The following NFASC variants were observed in gnomAD, a reference collection of about 807,000 sequenced individuals.
The protein encoded by NFASC is neurofascin.
In NFASC, 43 loss-of-function variants were observed where a neutral mutation model predicts 147.5. That is an observed-to-expected ratio of 0.29 (90% CI 0.23 to 0.38). The LOEUF (loss-of-function observed/expected upper bound fraction) is 0.38. Ranked by LOEUF, NFASC falls within the 10% of genes least tolerant of loss-of-function variation. NFASC has a pLI of 1.00. For missense variants in NFASC, 1,320 were observed against 1,689.0 expected (o/e 0.78, Z 3.83); for synonymous variants, 622 against 665.5 (o/e 0.93, Z 1.01).
In NFASC at chr1:204,946,645, C is replaced by T. The variant is rs143655198; in HGVS notation, c.91+2239C>T. 1.4e-4 allele frequency: 73 copies of T among 509,590 alleles called. No homozygotes were observed. The East Asian group carries it at 4.0e-3, about 28-fold the overall frequency. The allele number at this position is 509,590 out of a possible 1,614,324, so 31.6% of individuals were successfully genotyped here. On this transcript the variant is annotated intron_variant, in intron 3 of 29. Transcript: ENST00000339876. Reference sequence around the variant, plus strand: ...TCTATGGCCGAGGCCATCTCCTGGGCCTCCTGTACTGCTGGGCTGGAAGGT... The same window carrying T: ...TCTATGGCCGAGGCCATCTCCTGGGTCTCCTGTACTGCTGGGCTGGAAGGT...
At chr1:204,946,491 A>C in intron 3 of NFASC, 1 of 412,322 alleles carries the variant, frequency 2.4e-6, no homozygotes, top group South Asian at 1.7e-5. Flanking sequence ...CCCCACACAC[A>C]TGGCACCTCC....
At chr1:205,001,319 C>T (rs781592512) in intron 26 of NFASC, 33 bp downstream of exon 26, 2 of 1,438,366 alleles carry the variant, frequency 1.4e-6, no homozygotes, top group Non-Finnish European at 1.9e-6. Flanking sequence ...GTGGTGGCGG[C>T]AGCGGCGTCG....
At chr1:204,847,972 C>A (rs973519737) in intron 1 of NFASC, among the ~76,000 whole-genome samples, 1 of 152,108 alleles carries the variant, frequency 6.6e-6, no homozygotes, top group Admixed American at 6.5e-5. Context: ...GGGTGGAGGG[C>A]AGTTTGGGGT....
chr1:204,905,081 TTTAA>T (rs1210459871), intron 1 of NFASC, among the ~76,000 whole-genome samples: 12 of 152,260 alleles, frequency 7.9e-5, no homozygotes, highest in Non-Finnish European at 1.8e-4. Context: ...TGATTTTATT[TTTAA>T]TTAATTATTA....
rs1469009025 is a variant in NFASC, at chr1:204,970,050, T to A, written c.1004-566T>A. 2.5e-5 allele frequency among the ~76,000 whole-genome samples: 3 copies of A among 118,872 alleles called. No individual in the cohort carries two copies. The East Asian group carries it at 8.5e-4, about 34-fold the overall frequency. The allele number at this position is 118,872 out of a possible 152,430, so 78.0% of individuals were successfully genotyped here. A position where few individuals can be genotyped will look rare whatever the true frequency, so the allele number is the denominator to read the frequency against. Reference sequence around the variant, plus strand: ...AAGATTGCGCCACTGCGCCCCAGCCTGGCGACAGAGCAAGACTCCATCTCA... The same window carrying A: ...AAGATTGCGCCACTGCGCCCCAGCCAGGCGACAGAGCAAGACTCCATCTCA... On this transcript the variant is annotated intron_variant, in intron 10 of 29. Coordinates refer to ENST00000339876, the MANE Select transcript of NFASC (RefSeq NM_001005388.3).
intron 19 of NFASC, among the ~76,000 whole-genome samples, 161 bp from the exon 20 acceptor site, chr1:204,980,209 G>A (rs2095485074): frequency 6.6e-6 from 1 of 152,222 alleles, no homozygotes; most frequent in Non-Finnish European, 1.5e-5. Flanking sequence ...GGCACATCAT[G>A]CACAGAGTAA....
At chr1:204,941,626 T>TTTG (rs1469083836) in intron 2 of NFASC, among the ~76,000 whole-genome samples, 28 of 152,316 alleles carry the variant, frequency 1.8e-4, no homozygotes, top group Admixed American at 4.6e-4. Flanking sequence ...TTGCCTGATC[T>TTTG]GAGTCTGGTC....
chr1:204,887,198 GTCTCTA>G (rs1169884866), intron 1 of NFASC, among the ~76,000 whole-genome samples: 1 of 152,062 alleles, frequency 6.6e-6, no homozygotes, highest in African/African-American at 2.4e-5. Context: ...TCTGCTTTCT[GTCTCTA>G]TGAATTTGAC....
At chr1:204,873,349 C>T (rs949469949) in intron 1 of NFASC, among the ~76,000 whole-genome samples, 2 of 152,152 alleles carry the variant, frequency 1.3e-5, no homozygotes, top group African/African-American at 4.8e-5. Flanking sequence ...AGCAACCAGC[C>T]AGCAGCTCTG....
At chr1:204,902,041 C>A (rs905684324) in intron 1 of NFASC, among the ~76,000 whole-genome samples, 9 of 152,166 alleles carry the variant, frequency 5.9e-5, no homozygotes, top group Non-Finnish European at 8.8e-5. Flanking sequence ...AGTGTGTAAT[C>A]CCAACACTTT....
intron 2 of NFASC, among the ~76,000 whole-genome samples, chr1:204,943,436 A>G (rs1365695774): frequency 6.6e-6 from 1 of 152,164 alleles, no homozygotes; most frequent in African/African-American, 2.4e-5. Context: ...ATCATCATAC[A>G]TGCTGTTTAC....
chr1:204,967,955 G>GATTAAA, intron 8 of NFASC: 1 of 312,480 alleles, frequency 3.2e-6, no homozygotes, highest in Non-Finnish European at 6.1e-6. Context: ...GCACTGCTCA[G>GATTAAA]ACAGCCCCTC....
intron 28 of NFASC, 64 bp from the exon 29 acceptor site, chr1:205,012,733 C>T: frequency 4.9e-6 from 6 of 1,219,464 alleles, no homozygotes; most frequent in Non-Finnish European, 7.3e-6. Context: ...TCAGTGGAGC[C>T]CTAGAGAGCA....
intron 3 of NFASC, among the ~76,000 whole-genome samples, chr1:204,946,058 A>G (rs2093706645): frequency 6.6e-6 from 1 of 152,166 alleles, no homozygotes; most frequent in African/African-American, 2.4e-5. Flanking sequence ...CACCCCAAGC[A>G]GTCAGGCTCT....
rs561478546 is a variant in NFASC at position 204,995,115 on chromosome 1, G to A, written c.2783-2055G>A. On this transcript the variant is annotated intron_variant, in intron 24 of 29. Coordinates refer to ENST00000339876, the MANE Select transcript of NFASC (RefSeq NM_001005388.3). ...AGCCTGGGTGACAGAGCAAGATCCC[G>A]TCTCAATTAAAATAAAAAAAATCAG... Among the ~76,000 whole-genome samples, 9 of 152,174 alleles carry A rather than the reference G, an allele frequency of 5.9e-5. No homozygotes were observed. The South Asian group carries it at 6.2e-4, about 11-fold the overall frequency.
chr1:204,890,184 C>G (rs1367061785), intron 1 of NFASC, among the ~76,000 whole-genome samples: 2 of 152,170 alleles, frequency 1.3e-5, no homozygotes, highest in African/African-American at 4.8e-5. Flanking sequence ...GAGGTGGAGG[C>G]TGTGCGATGA....
chr1:204,978,519 C>T (rs1163534258), intron 17 of NFASC, among the ~76,000 whole-genome samples: 3 of 152,216 alleles, frequency 2.0e-5, no homozygotes, highest in Non-Finnish European at 4.4e-5. Context: ...CCTGGGTTCC[C>T]ATCTCCTCAG....
chr1:204,879,907 C>A (rs11240302), intron 1 of NFASC, among the ~76,000 whole-genome samples: 62,958 of 152,040 alleles, frequency 0.41, 16,516 homozygotes, highest in Non-Finnish European at 0.57. Context: ...GCTCAGTGAT[C>A]AGATGGTTTG....
chr1:204,984,996 G>A (rs2095586044), intron 21 of NFASC, among the ~76,000 whole-genome samples: 1 of 152,310 alleles, frequency 6.6e-6, no homozygotes, highest in Non-Finnish European at 1.5e-5. Context: ...AAATGAATTT[G>A]GCCAGTAGGG....
Sources: allele counts gnomAD v4.1 joint callset (sites outside exome capture counted in the v4.1 genomes callset), GRCh38; gene constraint gnomAD v4.1.1; transcripts MANE v1.5; gene names NCBI Gene and HGNC (gene_info 2026-07-23, HGNC 2026-07-21).